The following RSRC1 variants were observed in gnomAD, a reference collection of about 807,000 sequenced individuals.
RSRC1 encodes arginine and serine rich coiled-coil 1, also known as serine/Arginine-related protein 53.
A neutral mutation model predicts 49.1 loss-of-function variants in RSRC1; 39 were observed. The observed-to-expected ratio is 0.79, with a 90% CI of 0.61 to 1.04. The LOEUF is 1.04. Ranked by LOEUF, RSRC1 falls within the 50% of genes least tolerant of loss-of-function variation. RSRC1 has a pLI of 0.00. For missense variants in RSRC1, 388 were observed against 402.4 expected, an observed-to-expected ratio of 0.96 and a Z score of 0.31; for synonymous variants, 143 against 130.8, an observed-to-expected ratio of 1.09 and a Z score of -0.63.
intron 4 of RSRC1, among the ~76,000 whole-genome samples, chr3:158,221,401 T>C (rs1722214655): frequency 6.6e-6 from 1 of 151,416 alleles, no homozygotes; most frequent in African/African-American, 2.4e-5. Context: ...GATTCTGCAT[T>C]AGAGTGATGA....
chr3:158,156,228 C>G (rs1297932339), intron 3 of RSRC1, among the ~76,000 whole-genome samples: 1 of 152,206 alleles, frequency 6.6e-6, no homozygotes, highest in Non-Finnish European at 1.5e-5. Context: ...ACCTCATGAA[C>G]TAACCTCTGC....
chr3:158,318,042 TG>T (rs1728563618), intron 5 of RSRC1, among the ~76,000 whole-genome samples: 1 of 152,038 alleles, frequency 6.6e-6, no homozygotes, highest in South Asian at 2.1e-4. Flanking sequence ...TGTGTGTGTG[TG>T]TGTGTTTGTT....
At chr3:158,291,143 T>G (rs1726913924) in intron 4 of RSRC1, among the ~76,000 whole-genome samples, 1 of 152,202 alleles carries the variant, frequency 6.6e-6, no homozygotes, top group South Asian at 2.1e-4. Flanking sequence ...AGAGTCTAAC[T>G]AGATGTTGCT....
At chr3:158,302,432 AT>A (rs1373838412) in intron 5 of RSRC1, among the ~76,000 whole-genome samples, 2 of 151,964 alleles carry the variant, frequency 1.3e-5, no homozygotes, top group Non-Finnish European at 2.9e-5. Context: ...TAAGAAAATA[AT>A]TTTTTTAATT....
intron 4 of RSRC1, among the ~76,000 whole-genome samples, chr3:158,211,153 A>T (rs1030058221): frequency 1.3e-5 from 2 of 152,040 alleles, no homozygotes; most frequent in African/African-American, 4.8e-5. Flanking sequence ...TACAAAAATT[A>T]TGTTAGCATT....
At chr3:158,522,512 T>G (rs1711742411) in intron 7 of RSRC1, among the ~76,000 whole-genome samples, 1 of 152,132 alleles carries the variant, frequency 6.6e-6, no homozygotes, top group African/African-American at 2.4e-5. Flanking sequence ...CATTTAGGGC[T>G]TGTCTTGATT....
At chr3:158,267,690 T>C (rs1725268358) in intron 4 of RSRC1, among the ~76,000 whole-genome samples, 1 of 151,990 alleles carries the variant, frequency 6.6e-6, no homozygotes, top group Non-Finnish European at 1.5e-5. Context: ...TGAAAAAATA[T>C]AGTTTCCATA....
intron 4 of RSRC1, among the ~76,000 whole-genome samples, chr3:158,285,518 C>T (rs181566547): frequency 2.0e-5 from 3 of 152,236 alleles, no homozygotes; most frequent in Admixed American, 1.3e-4. Flanking sequence ...TTCTTCCTAC[C>T]CATGAGCATG....
At chr3:158,530,196 C>G (rs1437050761) in intron 7 of RSRC1, among the ~76,000 whole-genome samples, 1 of 151,938 alleles carries the variant, frequency 6.6e-6, no homozygotes, top group African/African-American at 2.4e-5. Flanking sequence ...TAGCCAACTT[C>G]CGTGTCTTTA....
At chr3:158,514,032 G>A (rs960078327) in intron 7 of RSRC1, among the ~76,000 whole-genome samples, 6 of 151,894 alleles carry the variant, frequency 4.0e-5, no homozygotes, top group East Asian at 3.9e-4. Context: ...TCTTGCTAGC[G>A]GTCTATCAAT....
chr3:158,535,276 T>C lies in RSRC1; in HGVS notation c.653-1816T>C, dbSNP rs143169826. On this transcript the variant is annotated intron_variant, in intron 7 of 9. Transcript: ENST00000611884. ...GTTATTAATAGTAATGTTTGTCCTG[T>C]TATTTTGAAAGTAATACATATACAT... is the stretch of plus-strand genomic sequence containing the variant. Among the ~76,000 whole-genome samples, 416 of 151,548 alleles carry C rather than the reference T, an allele frequency of 2.7e-3. 2 individuals are homozygous for C. The highest frequency in any genetic ancestry group is 9.3e-3 in the African/African-American group (386 of 41,506).
At chr3:158,363,990 G>A (rs780168190) in intron 6 of RSRC1, among the ~76,000 whole-genome samples, 17 of 151,992 alleles carry the variant, frequency 1.1e-4, no homozygotes, top group African/African-American at 1.9e-4. Flanking sequence ...TGAGTAGTAC[G>A]CCATAAGTGC....
intron 3 of RSRC1, among the ~76,000 whole-genome samples, chr3:158,155,061 C>T (rs1312599351): frequency 6.6e-6 from 1 of 152,100 alleles, no homozygotes; most frequent in Non-Finnish European, 1.5e-5. Context: ...TGACTTCCTC[C>T]ACTGAAGTCT....
intron 3 of RSRC1, among the ~76,000 whole-genome samples, chr3:158,190,905 G>T (rs1720205605): frequency 6.7e-6 from 1 of 149,268 alleles, no homozygotes; most frequent in Non-Finnish European, 1.5e-5. Flanking sequence ...TTAGCATCGT[G>T]AGGTGGAGTT....
chr3:158,343,283 A>T (rs1730357771), intron 5 of RSRC1, among the ~76,000 whole-genome samples: 1 of 152,218 alleles, frequency 6.6e-6, no homozygotes, highest in Non-Finnish European at 1.5e-5. Flanking sequence ...ACAAAGCAGG[A>T]TGCGAAGGGA....
chr3:158,436,396 T>A (rs1257505758), intron 6 of RSRC1, among the ~76,000 whole-genome samples: 1 of 151,906 alleles, frequency 6.6e-6, no homozygotes, highest in East Asian at 1.9e-4. Context: ...ACACAGCATC[T>A]CCAGAAACTT....
At chr3:158,247,609 G>GT (rs1723977507) in intron 4 of RSRC1, among the ~76,000 whole-genome samples, 2 of 152,090 alleles carry the variant, frequency 1.3e-5, no homozygotes, top group Non-Finnish European at 2.9e-5. Flanking sequence ...TTTTCTGTTT[G>GT]TTTATTTTTC....
chr3:158,214,034 A>G (rs1279591217), intron 4 of RSRC1, among the ~76,000 whole-genome samples: 1 of 128,398 alleles, frequency 7.8e-6, no homozygotes, highest in Non-Finnish European at 1.7e-5. Flanking sequence ...AAAAATAACA[A>G]TACAACAATA....
chr3:158,328,824 A>C (rs945640874), intron 5 of RSRC1, among the ~76,000 whole-genome samples: 13 of 152,152 alleles, frequency 8.5e-5, no homozygotes, highest in Admixed American at 2.0e-4. Context: ...TAATATCCTG[A>C]AGAGTGTTTT....
Sources: gnomAD v4.1 joint callset for allele counts (sites outside exome capture counted in the v4.1 genomes callset) on GRCh38, gnomAD v4.1.1 for gene constraint, MANE v1.5 for transcripts, NCBI Gene and HGNC (gene_info 2026-07-23, HGNC 2026-07-21) for gene names.